The following INSR variants were observed in gnomAD, a reference collection of about 807,000 sequenced individuals.
The protein encoded by INSR is insulin receptor.
INSR carries 67 observed loss-of-function variants against 142.6 expected under a neutral mutation model. That is an observed-to-expected ratio of 0.47 (90% CI 0.39 to 0.58). INSR has a LOEUF of 0.58. INSR is among the 20% of genes least tolerant of loss of function. The probability of loss-of-function intolerance (pLI) is 0.00; values close to 1 mark genes in which losing one functional copy is unlikely to be tolerated. For synonymous variants in INSR, 756 were observed against 743.1 expected (o/e 1.02, Z -0.28); for missense variants, 1,248 against 1,833.2 (o/e 0.68, Z 5.83).
At chr19:7,140,914 T>C (rs975267826) in intron 13 of INSR, among the ~76,000 whole-genome samples, 2 of 152,184 alleles carry the variant, frequency 1.3e-5, no homozygotes, top group Non-Finnish European at 2.9e-5. Context: ...GGGAAGAGCT[T>C]AGCAACTGTT....
At position 7,140,270 on chromosome 19, in the gene INSR, CTG is replaced by C. The variant is rs1568439906; in HGVS notation, c.2682+1405_2682+1406del. Among the ~76,000 whole-genome samples, 9 of 152,294 alleles carry C rather than the reference CTG, an allele frequency of 5.9e-5. No homozygotes were observed. In the East Asian group the frequency reaches 1.7e-3, roughly 29 times the overall value. On this transcript the variant is annotated intron_variant, in intron 13 of 21. Transcript: ENST00000302850. ...AAGTTCCAGGAAATCAGACATTTTGCTGTAATCTCTGTTAGTTGTTGGCAAAC... is the reference window on the plus strand; with the variant it reads ...AAGTTCCAGGAAATCAGACATTTTGCTAATCTCTGTTAGTTGTTGGCAAAC...
chr19:7,175,321 C>G (rs956426466), intron 3 of INSR, among the ~76,000 whole-genome samples: 4 of 152,058 alleles, frequency 2.6e-5, no homozygotes, highest in African/African-American at 9.7e-5. Context: ...CAAGATCAGC[C>G]TGGGAAGACA....
chr19:7,281,823 C>T (rs189181677), intron 1 of INSR, among the ~76,000 whole-genome samples: 7 of 152,236 alleles, frequency 4.6e-5, no homozygotes, highest in Admixed American at 6.5e-5. Context: ...TTCCACATTC[C>T]CACAAAGGCA....
At position 7,125,615 on chromosome 19, in the gene INSR, T is replaced by G. The variant is rs1024119522; in HGVS notation, c.3014-88A>C. The G allele has an allele frequency of 1.3e-6, 2 of 1,548,876 alleles. No individual in the cohort carries two copies. The highest frequency in any genetic ancestry group is 2.7e-5 in the African/African-American group (2 of 73,812). On this transcript the variant is annotated intron_variant, in intron 16 of 21. Coordinates refer to ENST00000302850, the MANE Select transcript of INSR (RefSeq NM_000208.4). The surrounding 1 kb of genome is among the most constrained non-coding windows in gnomAD (Gnocchi z 4.9). ...CACCCAAGCCCTCACCCAAACCCCC[T>G]CGAAAACACTCATGAAATGAGTTCT...
chr19:7,143,122 C>T (rs1599897704), intron 11 of INSR, 32 bp from the exon 12 acceptor site: 1 of 1,611,406 alleles, frequency 6.2e-7, no homozygotes, highest in Middle Eastern at 1.6e-4. Flanking sequence ...TATGATGACA[C>T]CATCACCATC....
At chr19:7,153,356 C>CA (rs1568449970) in intron 9 of INSR, among the ~76,000 whole-genome samples, 2 of 105,398 alleles carry the variant, frequency 1.9e-5, no homozygotes, top group African/African-American at 1.0e-4. Context: ...ACAGACCACA[C>CA]ACCACACACC....
rs967051051 is a variant in INSR, at chr19:7,216,609, G to A, written c.653-31972C>T. 1.3e-5 allele frequency among the ~76,000 whole-genome samples: 2 copies of A among 152,134 alleles called. No individual in the cohort carries two copies. The highest frequency in any genetic ancestry group is 6.5e-5 in the Admixed American group (1 of 15,274). ...ATTGCCACGGTGTAATGGAGCCACT[G>A]CAGGTGTCCCCAGAAGCCACAGCAA... is the stretch of plus-strand genomic sequence containing the variant. On this transcript the variant is annotated intron_variant, in intron 2 of 21. Transcript: ENST00000302850. The surrounding 1 kb of genome is among the most constrained non-coding windows in gnomAD (Gnocchi z 4.2).
At chr19:7,268,019 G>A (rs1404875471) in intron 1 of INSR, 123 bp from the exon 2 acceptor site, 3 of 852,536 alleles carry the variant, frequency 3.5e-6, no homozygotes, top group African/African-American at 3.3e-5. Flanking sequence ...TTCATCCCGG[G>A]CCCTGTAAAC....
chr19:7,152,282 T>G (rs1312774170), intron 10 of INSR: 2 of 273,756 alleles, frequency 7.3e-6, no homozygotes, highest in Non-Finnish European at 1.4e-5. Context: ...TCCCAGCTAC[T>G]TGGGAGGCTG....
chr19:7,138,408 T>C (rs1972991137), intron 13 of INSR, among the ~76,000 whole-genome samples: 1 of 152,144 alleles, frequency 6.6e-6, no homozygotes, highest in Non-Finnish European at 1.5e-5. Flanking sequence ...GTCTTCTTGC[T>C]CTGTCACCCA....
chr19:7,138,085 T>C (rs1333342659), intron 13 of INSR, among the ~76,000 whole-genome samples: 1 of 150,688 alleles, frequency 6.6e-6, no homozygotes, highest in African/African-American at 2.4e-5. Context: ...TGCCTCAGCC[T>C]CCCAAGTAGT....
chr19:7,147,031 C>T (rs981557707), intron 11 of INSR, among the ~76,000 whole-genome samples: 1 of 152,084 alleles, frequency 6.6e-6, no homozygotes, highest in Non-Finnish European at 1.5e-5. Context: ...CCATTTAAGT[C>T]TGCTAAGTAA....
rs1431037879 is a variant in INSR at position 7,192,152 on chromosome 19, AAG to A, written c.653-7517_653-7516del. Among the ~76,000 whole-genome samples, 2 of 142,050 alleles carry A rather than the reference AAG, an allele frequency of 1.4e-5. No individual in the cohort carries two copies. The highest frequency in any genetic ancestry group is 3.1e-5 in the Non-Finnish European group (2 of 65,312). 93.2% of individuals were successfully genotyped at this position (142,050 alleles called of 152,430 possible). Reference sequence around the variant, plus strand: ...AAAGAAGAAAGATAAGAGAGAGAGAAAGAGAAAGAAAAAGAAAGACAGAGAAA... The same window carrying A: ...AAAGAAGAAAGATAAGAGAGAGAGAAAGAAAGAAAAAGAAAGACAGAGAAA... On this transcript the variant is annotated intron_variant, in intron 2 of 21. Transcript: ENST00000302850. The surrounding 1 kb of genome is among the most constrained non-coding windows in gnomAD (Gnocchi z 4.2).
At chr19:7,280,807 C>T (rs1352913895) in intron 1 of INSR, among the ~76,000 whole-genome samples, 2 of 151,856 alleles carry the variant, frequency 1.3e-5, no homozygotes, top group African/African-American at 2.4e-5. Context: ...GCAGGAGAAT[C>T]GCTTGAACCT....
chr19:7,215,556 GTATTTATT>G lies in INSR; in HGVS notation c.653-30927_653-30920del, dbSNP rs146786396. On this transcript the variant is annotated intron_variant, in intron 2 of 21. Coordinates refer to ENST00000302850, the MANE Select transcript of INSR (RefSeq NM_000208.4). ...GAAAACTACCGAGCTTCCTTTTCCT[GTATTTATT>G]TATTTATTTATTTATTTTTTTGAGA... is the stretch of plus-strand genomic sequence containing the variant. Among the ~76,000 whole-genome samples, 5 of 148,292 alleles carry G rather than the reference GTATTTATT, an allele frequency of 3.4e-5. No homozygotes were observed. In the East Asian group the frequency reaches 7.9e-4, roughly 23 times the overall value.
chr19:7,202,335 T>A (rs536323511), intron 2 of INSR, among the ~76,000 whole-genome samples: 1 of 152,306 alleles, frequency 6.6e-6, no homozygotes, highest in Admixed American at 6.5e-5. Context: ...TTTCTCTCTA[T>A]ATTCATATAA....
At chr19:7,231,697 G>C (rs904527651) in intron 2 of INSR, among the ~76,000 whole-genome samples, 2 of 151,576 alleles carry the variant, frequency 1.3e-5, no homozygotes, top group African/African-American at 4.9e-5. Flanking sequence ...TCAAATTTTT[G>C]CTCTTTGAAT....
chr19:7,179,844 C>T (rs1263999750), intron 3 of INSR, among the ~76,000 whole-genome samples: 1 of 152,178 alleles, frequency 6.6e-6, no homozygotes, highest in Non-Finnish European at 1.5e-5. Context: ...TTCTTTGCAG[C>T]CTCTCCCACC....
intron 9 of INSR, among the ~76,000 whole-genome samples, chr19:7,158,400 C>A (rs1244826489): frequency 1.3e-5 from 2 of 152,098 alleles, no homozygotes; most frequent in African/African-American, 4.8e-5. Context: ...ACTCGGGAGG[C>A]TGACGCAGGA....
Sources: allele counts gnomAD v4.1 joint callset (sites outside exome capture counted in the v4.1 genomes callset), GRCh38; gene constraint gnomAD v4.1.1; non-coding constraint Gnocchi (gnomAD v3.1); transcripts MANE v1.5; gene names NCBI Gene and HGNC (gene_info 2026-07-23, HGNC 2026-07-21).